SLC35F1: variants seen among roughly 807,000 people sequenced by gnomAD.
SLC35F1 encodes solute carrier family 35 member F1.
SLC35F1 carries 14 observed loss-of-function variants against 48.7 expected under a neutral mutation model. The observed-to-expected ratio is 0.29, with a 90% CI of 0.19 to 0.45. The LOEUF (loss-of-function observed/expected upper bound fraction) is 0.45. Among genes scored for constraint, SLC35F1 ranks in the 20% least tolerant of loss-of-function variants. The probability of loss-of-function intolerance (pLI) is 1.00; values close to 1 mark genes in which losing one functional copy is unlikely to be tolerated. For missense variants in SLC35F1, 404 were observed against 500.0 expected (o/e 0.81, Z 1.83); for synonymous variants, 190 against 202.2 (o/e 0.94, Z 0.51).
chr6:118,127,345 T>G (rs2114414037), intron 1 of SLC35F1, among the ~76,000 whole-genome samples: 1 of 152,260 alleles, frequency 6.6e-6, no homozygotes, highest in African/African-American at 2.4e-5. Flanking sequence ...TTAATCATGG[T>G]GGATAAGCTT....
chr6:118,297,643 A>T (rs1159760518), intron 7 of SLC35F1, among the ~76,000 whole-genome samples: 2 of 86,990 alleles, frequency 2.3e-5, no homozygotes, highest in South Asian at 3.4e-4. Flanking sequence ...TATATAAAAA[A>T]TATATATATA....
At chr6:118,310,854 A>C (rs977978471) in intron 7 of SLC35F1, among the ~76,000 whole-genome samples, 1 of 152,218 alleles carries the variant, frequency 6.6e-6, no homozygotes, top group Non-Finnish European at 1.5e-5. Flanking sequence ...TTCCATGTCC[A>C]AAAAAGGGAT....
At chr6:117,999,257 C>A in intron 1 of SLC35F1, 1 of 1,595,690 alleles carries the variant, frequency 6.3e-7, no homozygotes, top group Non-Finnish European at 8.5e-7. Flanking sequence ...CAAGCTCGAT[C>A]GACATGCCTA....
In SLC35F1 at chr6:118,314,998, A is replaced by G. The variant is rs769488146; in HGVS notation, c.*746A>G. 12 of 152,716 alleles carry G rather than the reference A, an allele frequency of 7.9e-5. No individual in the cohort carries two copies. The highest frequency in any genetic ancestry group is 1.9e-4 in the African/African-American group (8 of 41,448). 9.5% of individuals were successfully genotyped at this position (152,716 alleles called of 1,614,324 possible). Reference sequence around the variant, plus strand: ...AATCAAGTCCCTGTAATAACAGGATAAGGACTGTTCCATTACTGTGGCTTT... The same window carrying G: ...AATCAAGTCCCTGTAATAACAGGATGAGGACTGTTCCATTACTGTGGCTTT... On this transcript the variant is annotated 3_prime_UTR_variant, in exon 8 of 8. Coordinates refer to ENST00000360388, the MANE Select transcript of SLC35F1 (RefSeq NM_001029858.4).
At chr6:117,922,688 T>C (rs1775914805) in intron 1 of SLC35F1, among the ~76,000 whole-genome samples, 1 of 152,148 alleles carries the variant, frequency 6.6e-6, no homozygotes, top group Non-Finnish European at 1.5e-5. Flanking sequence ...CATGGGACAT[T>C]GGACATTAGG....
chr6:118,086,349 A>G (rs1352685769), intron 1 of SLC35F1, among the ~76,000 whole-genome samples: 3 of 152,204 alleles, frequency 2.0e-5, no homozygotes, highest in Non-Finnish European at 2.9e-5. Flanking sequence ...CTCAAAGGTC[A>G]GTGTCAGCAG....
rs968644208 is a variant in SLC35F1, at chr6:118,314,416, AC to A, written c.*165del. On this transcript the variant is annotated 3_prime_UTR_variant, in exon 8 of 8. Coordinates refer to ENST00000360388, the MANE Select transcript of SLC35F1 (RefSeq NM_001029858.4). ...TTGTGAAAGGAACAAGCTCAACATC[AC>A]TGGAGACACAGGCTCTAATCCACCT... is the stretch of plus-strand genomic sequence containing the variant. 1.6e-6 allele frequency: 1 copy of A among 630,198 alleles called. No individual in the cohort carries two copies. Among genetic ancestry groups the A allele is most frequent in the African/African-American group, 1.8e-5 (1 of 54,634 alleles). 39.0% of individuals were successfully genotyped at this position (630,198 alleles called of 1,614,324 possible). A position where few individuals can be genotyped will look rare whatever the true frequency, so the allele number is the denominator to read the frequency against.
At chr6:117,923,766 C>CATATACATATGTACATATGTACAT (rs1775971548) in intron 1 of SLC35F1, among the ~76,000 whole-genome samples, 2 of 17,824 alleles carry the variant, frequency 1.1e-4, no homozygotes, top group Non-Finnish European at 1.9e-4. Flanking sequence ...TACATATGCA[C>CATATACATATGTACATATGTACAT]ATACATATGT....
At chr6:118,069,210 C>G (rs1044039610) in intron 1 of SLC35F1, among the ~76,000 whole-genome samples, 1 of 152,104 alleles carries the variant, frequency 6.6e-6, no homozygotes, top group African/African-American at 2.4e-5. Flanking sequence ...TAATATACAA[C>G]TATTTCTTTG....
At chr6:118,002,352 C>CA (rs1412396608) in intron 1 of SLC35F1, among the ~76,000 whole-genome samples, 1 of 148,536 alleles carries the variant, frequency 6.7e-6, no homozygotes. Flanking sequence ...ATCGCAAGGA[C>CA]AAAAAACCAA....
intron 1 of SLC35F1, among the ~76,000 whole-genome samples, chr6:117,914,801 A>C (rs1211416841): frequency 4.6e-5 from 7 of 152,230 alleles, no homozygotes; most frequent in Non-Finnish European, 1.0e-4. Context: ...CTGCCCAGGT[A>C]GAAGACTGAA....
At chr6:118,205,741 G>A (rs760544001) in intron 2 of SLC35F1, among the ~76,000 whole-genome samples, 53 of 152,142 alleles carry the variant, frequency 3.5e-4, no homozygotes, top group Non-Finnish European at 6.8e-4. Flanking sequence ...GGAAACAAGT[G>A]TCCATTCACA....
chr6:118,130,410 G>T (rs1294491231), intron 1 of SLC35F1, among the ~76,000 whole-genome samples: 4 of 152,152 alleles, frequency 2.6e-5, no homozygotes. Context: ...GGCAAAGCTT[G>T]CAGTGAGCGG....
intron 1 of SLC35F1, among the ~76,000 whole-genome samples, chr6:117,994,490 G>C (rs1252392141): frequency 1.3e-5 from 2 of 152,258 alleles, no homozygotes; most frequent in East Asian, 1.9e-4. Flanking sequence ...AGCTTTCATA[G>C]ACCTCCTCAC....
At chr6:118,306,411 C>T (rs1454799357) in intron 7 of SLC35F1, among the ~76,000 whole-genome samples, 2 of 152,326 alleles carry the variant, frequency 1.3e-5, no homozygotes, top group East Asian at 3.9e-4. Context: ...TGCTACACTA[C>T]CACTTCTACA....
At chr6:118,022,286 C>A (rs1042816799) in intron 1 of SLC35F1, among the ~76,000 whole-genome samples, 37 of 152,076 alleles carry the variant, frequency 2.4e-4, no homozygotes, top group African/African-American at 8.7e-4. Context: ...GGTAGCAAAC[C>A]AAGAGTAATT....
At chr6:118,085,486 C>CTTTTTTTTTTTTTTTTTTTTT (rs1562285128) in intron 1 of SLC35F1, among the ~76,000 whole-genome samples, 1 of 83,016 alleles carries the variant, frequency 1.2e-5, no homozygotes. Flanking sequence ...TTCTTTCTTT[C>CTTTTTTTTTTTTTTTTTTTTT]CTTTTTTTTT....
At chr6:118,091,260 T>C (rs1773069138) in intron 1 of SLC35F1, among the ~76,000 whole-genome samples, 1 of 152,202 alleles carries the variant, frequency 6.6e-6, no homozygotes, top group Admixed American at 6.5e-5. Flanking sequence ...CCAAATGATA[T>C]GATTTGGCTG....
intron 1 of SLC35F1, among the ~76,000 whole-genome samples, chr6:118,147,529 C>T (rs542324610): frequency 2.0e-5 from 3 of 152,212 alleles, no homozygotes; most frequent in South Asian, 2.1e-4. Context: ...GTCATACACA[C>T]GTGTCAATCA....
Sources: allele counts gnomAD v4.1 joint callset (sites outside exome capture counted in the v4.1 genomes callset), GRCh38; gene constraint gnomAD v4.1.1; transcripts MANE v1.5; gene names NCBI Gene and HGNC (gene_info 2026-07-23, HGNC 2026-07-21).